KCNB2: variants seen among roughly 807,000 people sequenced by gnomAD.
KCNB2 encodes delayed rectifier potassium channel protein.
A neutral mutation model predicts 61.5 loss-of-function variants in KCNB2; 15 were observed. That is an observed-to-expected ratio of 0.24 (90% CI 0.16 to 0.38). The LOEUF (loss-of-function observed/expected upper bound fraction) is 0.38. KCNB2 is among the 10% of genes least tolerant of loss of function. KCNB2 has a pLI of 1.00. For missense variants in KCNB2, 828 were observed against 1,125.2 expected (o/e 0.74, Z 3.78); for synonymous variants, 457 against 446.0 (o/e 1.02, Z -0.31).
chr8:72,633,846 A>G (rs147561683), intron 2 of KCNB2, among the ~76,000 whole-genome samples: 1 of 152,342 alleles, frequency 6.6e-6, no homozygotes, highest in East Asian at 1.9e-4. Context: ...CAACTGTGAT[A>G]TAAACGTACC....
intron 2 of KCNB2, among the ~76,000 whole-genome samples, chr8:72,682,591 T>C (rs1806777929): frequency 7.1e-6 from 1 of 141,024 alleles, no homozygotes; most frequent in Non-Finnish European, 1.6e-5. Context: ...TAAAGTTGAA[T>C]TTAAAAAAAA....
intron 2 of KCNB2, among the ~76,000 whole-genome samples, chr8:72,704,940 A>AT (rs1057264371): frequency 7.5e-6 from 1 of 132,918 alleles, no homozygotes; most frequent in Non-Finnish European, 1.6e-5. Context: ...GTCATACCAT[A>AT]TTTTTTAATT....
rs554780181 is a variant in KCNB2 at position 72,760,417 on chromosome 8, T to G, written c.580-175518T>G. On this transcript the variant is annotated intron_variant, in intron 2 of 2. Coordinates refer to ENST00000523207, the MANE Select transcript of KCNB2 (RefSeq NM_004770.3). ...CAACTGAAATCATGTAGGCCAGTAC[T>G]GAAGTCCCCCATTTTTCAAATGGGG... Among the ~76,000 whole-genome samples the G allele has an allele frequency of 2.0e-5, 3 of 152,276 alleles. No individual in the cohort carries two copies. In the South Asian group the frequency reaches 6.2e-4, roughly 32 times the overall value.
At chr8:72,671,466 T>C (rs1294939572) in intron 2 of KCNB2, among the ~76,000 whole-genome samples, 1 of 152,148 alleles carries the variant, frequency 6.6e-6, no homozygotes, top group Non-Finnish European at 1.5e-5. Flanking sequence ...CTTGGAGTAC[T>C]TACAGATTAG....
intron 2 of KCNB2, among the ~76,000 whole-genome samples, chr8:72,616,262 G>T (rs978954111): frequency 6.6e-6 from 1 of 152,170 alleles, no homozygotes; most frequent in Non-Finnish European, 1.5e-5. Context: ...AATTAGATCT[G>T]CAGTAGAACT....
chr8:72,576,371 T>C (rs955018559), intron 2 of KCNB2, among the ~76,000 whole-genome samples: 1 of 152,172 alleles, frequency 6.6e-6, no homozygotes, highest in Non-Finnish European at 1.5e-5. Context: ...TTTGTTTCTT[T>C]CTCCTCATTG....
intron 2 of KCNB2, among the ~76,000 whole-genome samples, chr8:72,735,811 G>A (rs768649760): frequency 3.3e-5 from 5 of 152,084 alleles, no homozygotes; most frequent in Non-Finnish European, 7.3e-5. Context: ...CTTTTGATTT[G>A]TTCAGATCCA....
At chr8:72,829,788 G>T (rs1311890209) in intron 2 of KCNB2, among the ~76,000 whole-genome samples, 1 of 151,824 alleles carries the variant, frequency 6.6e-6, no homozygotes, top group Admixed American at 6.6e-5. Flanking sequence ...TGGATCATTT[G>T]AAATAAGCCA....
intron 1 of KCNB2, among the ~76,000 whole-genome samples, chr8:72,551,751 T>C (rs930694113): frequency 1.3e-5 from 2 of 152,204 alleles, no homozygotes; most frequent in Non-Finnish European, 2.9e-5. Context: ...TAATATCAGC[T>C]TTCTCACACT....
At chr8:72,847,192 T>C (rs1025263756) in intron 2 of KCNB2, among the ~76,000 whole-genome samples, 2 of 152,182 alleles carry the variant, frequency 1.3e-5, no homozygotes, top group African/African-American at 4.8e-5. Context: ...CTTTAAAATG[T>C]GAAATGATTT....
At chr8:72,809,378 T>C (rs1809270710) in intron 2 of KCNB2, among the ~76,000 whole-genome samples, 1 of 152,194 alleles carries the variant, frequency 6.6e-6, no homozygotes, top group African/African-American at 2.4e-5. Context: ...ATGGCATATA[T>C]GACATTTACA....
intron 2 of KCNB2, among the ~76,000 whole-genome samples, chr8:72,704,246 G>A (rs1402395059): frequency 6.6e-6 from 1 of 152,148 alleles, no homozygotes; most frequent in Non-Finnish European, 1.5e-5. Flanking sequence ...TGGCATTAAT[G>A]ACTACTAACA....
intron 2 of KCNB2, among the ~76,000 whole-genome samples, chr8:72,761,490 G>T (rs187452037): frequency 8.7e-4 from 133 of 152,304 alleles, no homozygotes; most frequent in Middle Eastern, 3.4e-3. Flanking sequence ...GATAAGCATT[G>T]TTCTGTCAAG....
chr8:72,677,355 C>T (rs1585824018), intron 2 of KCNB2, among the ~76,000 whole-genome samples: 1 of 152,298 alleles, frequency 6.6e-6, no homozygotes, highest in East Asian at 1.9e-4. Context: ...CAGGCCACAA[C>T]CTCTCAGCAC....
At chr8:72,634,136 A>G (rs1805929762) in intron 2 of KCNB2, among the ~76,000 whole-genome samples, 1 of 152,218 alleles carries the variant, frequency 6.6e-6, no homozygotes, top group African/African-American at 2.4e-5. Flanking sequence ...CATTTGATCC[A>G]AATGTAAGAA....
intron 2 of KCNB2, chr8:72,750,863 A>G (rs764533499): frequency 1.1e-4 from 16 of 152,150 alleles, no homozygotes; most frequent in Non-Finnish European, 2.1e-4. Context: ...ATAAAAATCA[A>G]ATGATATCAG....
In KCNB2 at chr8:72,826,917, T is replaced by C. The variant is rs114227313; in HGVS notation, c.580-109018T>C. Among the ~76,000 whole-genome samples, 259 of 152,330 alleles carry C rather than the reference T, an allele frequency of 1.7e-3. 1 individual carries two copies. Among genetic ancestry groups the C allele is most frequent in the African/African-American group, 5.6e-3 (231 of 41,576 alleles). ...GCAGCAGGAATAGCTACATAGCATC[T>C]TTGTATTGCTTTTGCTTCTAAGTTT... On this transcript the variant is annotated intron_variant, in intron 2 of 2. Coordinates refer to ENST00000523207, the MANE Select transcript of KCNB2 (RefSeq NM_004770.3).
chr8:72,586,149 C>T (rs1236718000), intron 2 of KCNB2, among the ~76,000 whole-genome samples: 3 of 152,168 alleles, frequency 2.0e-5, no homozygotes, highest in East Asian at 3.9e-4. Context: ...CCATTCCCTA[C>T]CTCTTACTGC....
chr8:72,844,569 G>A (rs1236819947), intron 2 of KCNB2, among the ~76,000 whole-genome samples: 3 of 152,124 alleles, frequency 2.0e-5, no homozygotes, highest in Admixed American at 2.0e-4. Flanking sequence ...TCACTTTCAG[G>A]TATACCAATC....
Sources: allele counts gnomAD v4.1 joint callset (sites outside exome capture counted in the v4.1 genomes callset), GRCh38; gene constraint gnomAD v4.1.1; transcripts MANE v1.5; gene names NCBI Gene and HGNC (gene_info 2026-07-23, HGNC 2026-07-21).